AATK: variants seen among roughly 807,000 people sequenced by gnomAD.
AATK encodes the protein lemur tail kinase 1, also known as serine/threonine-protein kinase LMTK1.
In AATK, 91 loss-of-function variants were observed where a neutral mutation model predicts 114.3. The observed-to-expected ratio is 0.80, with a 90% confidence interval of 0.67 to 0.95. The LOEUF is 0.95. Among genes scored for constraint, AATK ranks in the 40% least tolerant of loss-of-function variants. The pLI, the probability that AATK is intolerant of heterozygous loss-of-function variation, is 0.00. For synonymous variants in AATK, 1,075 were observed against 916.5 expected, an observed-to-expected ratio of 1.17 and a Z score of -3.12; for missense variants, 2,176 against 1,965.2, an observed-to-expected ratio of 1.11 and a Z score of -2.03.
At chr17:81,131,958 TCCGGAGCTC>T (rs1298728540) in intron 2 of AATK, 1 of 1,334,734 alleles carries the variant, frequency 7.5e-7, no homozygotes, top group East Asian at 5.0e-5. Flanking sequence ...CCACACCACC[TCCGGAGCTC>T]CCAGAACTCC....
intron 1 of AATK, among the ~76,000 whole-genome samples, chr17:81,144,733 A>G (rs1230964004): frequency 6.6e-6 from 1 of 152,260 alleles, no homozygotes; most frequent in Non-Finnish European, 1.5e-5. Flanking sequence ...CAAGCTACGA[A>G]GTCCAGCGTG....
chr17:81,127,720 G>A (rs1407436470), intron 5 of AATK, 50 bp from the exon 6 acceptor site: 1 of 1,523,798 alleles, frequency 6.6e-7, no homozygotes. Flanking sequence ...TGGGGAGGGG[G>A]AGTCGGGCCG....
chr17:81,145,977 G>A (rs555589353), intron 1 of AATK, among the ~76,000 whole-genome samples: 1 of 150,474 alleles, frequency 6.6e-6, no homozygotes, highest in Admixed American at 6.6e-5. Context: ...CACTCGAGGT[G>A]AGGAGTTCGA....
intron 1 of AATK, among the ~76,000 whole-genome samples, chr17:81,142,315 C>T (rs1459123167): frequency 6.6e-6 from 1 of 151,688 alleles, no homozygotes; most frequent in East Asian, 1.9e-4. Flanking sequence ...CTCTGTCACC[C>T]AGGCTGGAGC....
chr17:81,164,679 G>A (rs912920889), intron 1 of AATK, among the ~76,000 whole-genome samples: 22 of 152,182 alleles, frequency 1.4e-4, no homozygotes, highest in Non-Finnish European at 2.6e-4. Flanking sequence ...CGTGGGCCAC[G>A]CCTGGCATGG....
chr17:81,136,596 G>A (rs1228680431), intron 1 of AATK, among the ~76,000 whole-genome samples: 1 of 152,228 alleles, frequency 6.6e-6, no homozygotes, highest in Non-Finnish European at 1.5e-5. Context: ...CTGGGGCACA[G>A]CCCTGCTGTG....
In AATK at chr17:81,121,006, G is replaced by T. The variant is rs765815549; in HGVS notation, c.2930C>A (p.Thr977Lys). ...GCCACTGAGGGAGGTGGAGAGCCGTGTCTCGGGCCCGGGGCCCTCACCCTC... is the reference window on the plus strand; with the variant it reads ...GCCACTGAGGGAGGTGGAGAGCCGTTTCTCGGGCCCGGGGCCCTCACCCTC... ...ASEGEGPGPE[T>K]RLSTSLSGLN... is the part of the protein sequence containing the mutation. Residue 977 changes from threonine (T) to lysine (K), a missense_variant, in exon 11 of 14, where the codon ACA (threonine) becomes AAA (lysine). This residue lies in a region of AATK where 1,701 missense variants were observed against 1,394.7 expected (regional missense o/e 1.22). Coordinates refer to ENST00000326724, the MANE Select transcript of AATK (RefSeq NM_001080395.3). 1 of 1,610,566 alleles carries T rather than the reference G, an allele frequency of 6.2e-7. No homozygotes were observed. The highest frequency in any genetic ancestry group is 1.7e-5 in the Admixed American group (1 of 59,794).
chr17:81,135,293 T>G (rs528224949), intron 1 of AATK, among the ~76,000 whole-genome samples: 70 of 152,304 alleles, frequency 4.6e-4, no homozygotes, highest in Non-Finnish European at 9.0e-4. Flanking sequence ...GTCCATCTGC[T>G]GCCCACAGGA....
In AATK at chr17:81,150,451, C is replaced by A. The variant is rs539718712; in HGVS notation, c.55+15487G>T. On this transcript the variant is annotated intron_variant, in intron 1 of 13. Transcript: ENST00000326724. ...GCTTCCCCCATCCTACTCCTCAGTACCCCCGGCAGCTCACTGCCCATTCCC... is the reference window on the plus strand; with the variant it reads ...GCTTCCCCCATCCTACTCCTCAGTAACCCCGGCAGCTCACTGCCCATTCCC... 4.7e-5 allele frequency among the ~76,000 whole-genome samples: 7 copies of A among 147,698 alleles called. No individual in the cohort carries two copies. In the South Asian group the frequency reaches 6.5e-4, roughly 14 times the overall value.
intron 1 of AATK, among the ~76,000 whole-genome samples, chr17:81,146,353 C>T (rs2061220487): frequency 2.0e-5 from 3 of 150,998 alleles, no homozygotes; most frequent in African/African-American, 7.3e-5. Context: ...AGAGAGAGAC[C>T]CTGTCCCAAA....
At chr17:81,124,395 G>C (rs1371862896) in intron 9 of AATK, among the ~76,000 whole-genome samples, 2 of 152,190 alleles carry the variant, frequency 1.3e-5, no homozygotes, top group African/African-American at 4.8e-5. Flanking sequence ...CTCCCGTGAA[G>C]GCAGCCAACA....
At chr17:81,148,064 C>CAAAAAAAAAAAAA (rs35731140) in intron 1 of AATK, among the ~76,000 whole-genome samples, 49 of 101,736 alleles carry the variant, frequency 4.8e-4, no homozygotes, top group East Asian at 1.2e-3. Context: ...ACAACTTTGT[C>CAAAAAAAAAAAAA]AAAAAAAAAA....
intron 1 of AATK, among the ~76,000 whole-genome samples, chr17:81,141,555 C>G (rs1305320589): frequency 6.6e-6 from 1 of 152,150 alleles, no homozygotes; most frequent in East Asian, 1.9e-4. Flanking sequence ...CATGCAACAG[C>G]CCTTCCAAGG....
rs2060592947 is a variant in AATK, at chr17:81,118,259, G to A, written c.*143C>T. The A allele has an allele frequency of 6.3e-6, 5 of 799,408 alleles. No individual in the cohort carries two copies. Among genetic ancestry groups the A allele is most frequent in the Non-Finnish European group, 1.0e-5 (5 of 498,912 alleles). 49.5% of individuals were successfully genotyped at this position (799,408 alleles called of 1,614,324 possible). ...GCCTCTCATCCCACGGGCTTCTCCA[G>A]GACACCGCGTGGGGCAGAGGCACCT... On this transcript the variant is annotated 3_prime_UTR_variant, in exon 14 of 14. Transcript: ENST00000326724.
chr17:81,138,465 C>CACA lies in AATK; in HGVS notation c.56-3965_56-3964insTGT, dbSNP rs774078193. On this transcript the variant is annotated intron_variant, in intron 1 of 13. Coordinates refer to ENST00000326724, the MANE Select transcript of AATK (RefSeq NM_001080395.3). ...CCCACAGATGCATGTGCACACACAC[C>CACA]CACCCACATGCACACATGCATGCAC... Among the ~76,000 whole-genome samples the CACA allele has an allele frequency of 3.2e-3, 357 of 110,698 alleles. 1 individual carries two copies. The highest frequency in any genetic ancestry group is 0.011 in the African/African-American group (330 of 28,996). 72.6% of individuals were successfully genotyped at this position (110,698 alleles called of 152,430 possible).
chr17:81,135,346 G>A (rs72855504), intron 1 of AATK, among the ~76,000 whole-genome samples: 20,997 of 152,134 alleles, frequency 0.14, 1,674 homozygotes, highest in South Asian at 0.2. Context: ...GGGCAGGGGA[G>A]GGCACACTGA....
intron 12 of AATK, among the ~76,000 whole-genome samples, 177 bp downstream of exon 12, chr17:81,119,759 C>T (rs1371916533): frequency 1.3e-5 from 2 of 151,132 alleles, no homozygotes; most frequent in Non-Finnish European, 3.0e-5. Flanking sequence ...GCCCCGCCTT[C>T]CGTGACGTCA....
chr17:81,138,128 C>T lies in AATK; in HGVS notation c.56-3627G>A, dbSNP rs556564798. On this transcript the variant is annotated intron_variant, in intron 1 of 13. Coordinates refer to ENST00000326724, the MANE Select transcript of AATK (RefSeq NM_001080395.3). ...TACGTGTGCACACAGACATACCCCA[C>T]ACACACATGCACACATACGCGCACG... 3.3e-5 allele frequency among the ~76,000 whole-genome samples: 5 copies of T among 150,826 alleles called. No individual in the cohort carries two copies. In the South Asian group the frequency reaches 1.0e-3, roughly 32 times the overall value.
At chr17:81,164,340 G>A (rs558591283) in intron 1 of AATK, among the ~76,000 whole-genome samples, 23 of 152,242 alleles carry the variant, frequency 1.5e-4, no homozygotes, top group Admixed American at 5.2e-4. Context: ...CCCTTAATCC[G>A]AAGGAGGGTC....
Sources: allele counts gnomAD v4.1 joint callset (sites outside exome capture counted in the v4.1 genomes callset), GRCh38; gene constraint gnomAD v4.1.1; regional missense constraint gnomAD v4.1.1; transcripts MANE v1.5; gene names NCBI Gene and HGNC (gene_info 2026-07-23, HGNC 2026-07-21).